Variants in NLGN1 observed in about 807,000 individuals in gnomAD.
NLGN1 encodes neuroligin 1.
Under a neutral mutation model 65.5 loss-of-function variants are expected in NLGN1, and 12 were observed. The ratio of observed to expected loss-of-function variants is 0.18; its 90% confidence interval spans 0.12 to 0.30. The LOEUF is 0.30. NLGN1 is among the 10% of genes least tolerant of loss of function. The pLI is 1.00. For synonymous variants in NLGN1, 350 were observed against 359.5 expected, an observed-to-expected ratio of 0.97 and a Z score of 0.30; for missense variants, 750 against 1,007.1, an observed-to-expected ratio of 0.74 and a Z score of 3.46.
At chr3:173,753,821 C>T (rs941079457) in intron 3 of NLGN1, among the ~76,000 whole-genome samples, 2 of 151,660 alleles carry the variant, frequency 1.3e-5, no homozygotes, top group Non-Finnish European at 2.9e-5. Context: ...TCTTCTTCAG[C>T]CACATTAGTC....
chr3:173,705,954 A>G (rs1767984779), intron 3 of NLGN1, among the ~76,000 whole-genome samples: 1 of 152,182 alleles, frequency 6.6e-6, no homozygotes, highest in Admixed American at 6.5e-5. Flanking sequence ...GTATTTGAAT[A>G]ATTTTCCCCT....
intron 4 of NLGN1, among the ~76,000 whole-genome samples, chr3:173,862,505 CAAAAAAAAAAAAAAAA>C (rs10601211): frequency 2.4e-5 from 1 of 41,708 alleles, no homozygotes; most frequent in Non-Finnish European, 4.9e-5. Flanking sequence ...GACTCCGTCT[CAAAAAAAAAAAAAAAA>C]AAAAAAAAAG....
At chr3:173,464,411 C>T (rs1288078381) in intron 2 of NLGN1, among the ~76,000 whole-genome samples, 1 of 151,302 alleles carries the variant, frequency 6.6e-6, no homozygotes, top group Non-Finnish European at 1.5e-5. Flanking sequence ...ATTCATCAAA[C>T]CACCTCCCAT....
chr3:174,266,295 G>A lies in NLGN1; in HGVS notation c.647-9020G>A, dbSNP rs112329181. On this transcript the variant is annotated intron_variant, in intron 4 of 6. Coordinates refer to ENST00000457714, the Ensembl canonical transcript of NLGN1. ...CAATATTTAACCTCCACTTACAGGT[G>A]AGAAGATGCAGTATTCTGTTTTCTG... Among the ~76,000 whole-genome samples, 711 of 152,224 alleles carry A rather than the reference G, an allele frequency of 4.7e-3. 3 individuals are homozygous for A. The highest frequency in any genetic ancestry group is 0.015 in the African/African-American group (638 of 41,518).
intron 4 of NLGN1, among the ~76,000 whole-genome samples, chr3:174,150,256 AT>A (rs1724079511): frequency 6.6e-6 from 1 of 152,140 alleles, no homozygotes; most frequent in African/African-American, 2.4e-5. Context: ...CCTACAAAAA[AT>A]AATTCTGCAT....
chr3:174,015,314 G>A (rs1413716813), intron 4 of NLGN1, among the ~76,000 whole-genome samples: 1 of 152,102 alleles, frequency 6.6e-6, no homozygotes, highest in African/African-American at 2.4e-5. Context: ...CACAGTTCTG[G>A]ATACTTGAAC....
At chr3:173,450,042 G>A (rs964087951) in intron 2 of NLGN1, among the ~76,000 whole-genome samples, 27 of 152,120 alleles carry the variant, frequency 1.8e-4, no homozygotes, top group Admixed American at 1.7e-3. Context: ...CCTTTTAATT[G>A]GAGCATTTAG....
At chr3:173,774,421 T>C (rs1353476146) in intron 3 of NLGN1, among the ~76,000 whole-genome samples, 1 of 152,200 alleles carries the variant, frequency 6.6e-6, no homozygotes, top group East Asian at 1.9e-4. Flanking sequence ...CATCCTATCT[T>C]TTCCACACAA....
At chr3:173,453,337 A>G (rs1721957151) in intron 2 of NLGN1, among the ~76,000 whole-genome samples, 1 of 150,262 alleles carries the variant, frequency 6.7e-6, no homozygotes, top group Non-Finnish European at 1.5e-5. Flanking sequence ...GGCTCAAGTG[A>G]TCTTCCTGTG....
intron 3 of NLGN1, among the ~76,000 whole-genome samples, chr3:173,698,651 T>G (rs73880545): frequency 0.031 from 4,639 of 151,518 alleles, 258 homozygotes; most frequent in African/African-American, 0.11. Flanking sequence ...TGCTACATAA[T>G]TTTTTTTCTA....
chr3:173,929,169 A>C (rs1743579575), intron 4 of NLGN1, among the ~76,000 whole-genome samples: 1 of 152,192 alleles, frequency 6.6e-6, no homozygotes, highest in African/African-American at 2.4e-5. Context: ...TACAAAACTT[A>C]CATGAAGTTC....
At chr3:173,893,664 A>G (rs1227540818) in intron 4 of NLGN1, among the ~76,000 whole-genome samples, 1 of 152,154 alleles carries the variant, frequency 6.6e-6, no homozygotes, top group African/African-American at 2.4e-5. Context: ...CTTAGGCCCT[A>G]AATAATTTTT....
chr3:174,185,829 A>T (rs1466219108), intron 4 of NLGN1, among the ~76,000 whole-genome samples: 1 of 151,968 alleles, frequency 6.6e-6, no homozygotes, highest in Admixed American at 6.6e-5. Context: ...AAAACAAAAA[A>T]CCTGTTGAAA....
At chr3:173,801,109 C>A (rs1254084647) in intron 3 of NLGN1, among the ~76,000 whole-genome samples, 1 of 151,938 alleles carries the variant, frequency 6.6e-6, no homozygotes, top group Non-Finnish European at 1.5e-5. Flanking sequence ...TTCTGATTTT[C>A]AAACATTGCA....
At chr3:173,538,663 G>T (rs1036913709) in intron 2 of NLGN1, among the ~76,000 whole-genome samples, 1 of 152,162 alleles carries the variant, frequency 6.6e-6, no homozygotes, top group African/African-American at 2.4e-5. Context: ...GCTGCTGGGA[G>T]ATTAGGCTAT....
chr3:174,097,385 C>T (rs547236764), intron 4 of NLGN1, among the ~76,000 whole-genome samples: 1 of 152,238 alleles, frequency 6.6e-6, no homozygotes, highest in African/African-American at 2.4e-5. Flanking sequence ...GAAAACTTGG[C>T]AGTTGTTCAA....
chr3:174,186,071 T>G (rs1016114952), intron 4 of NLGN1, among the ~76,000 whole-genome samples: 1 of 152,038 alleles, frequency 6.6e-6, no homozygotes, highest in East Asian at 1.9e-4. Context: ...ATAAACTATT[T>G]TAATAAAACT....
At chr3:173,616,397 T>C (rs1753082994) in intron 3 of NLGN1, among the ~76,000 whole-genome samples, 1 of 152,112 alleles carries the variant, frequency 6.6e-6, no homozygotes, top group Non-Finnish European at 1.5e-5. Context: ...GAAAAACTTG[T>C]TTGTGAAAAA....
At chr3:173,999,758 A>C (rs1579673211) in intron 4 of NLGN1, among the ~76,000 whole-genome samples, 1 of 152,270 alleles carries the variant, frequency 6.6e-6, no homozygotes, top group East Asian at 1.9e-4. Context: ...TATTTTATTC[A>C]CAAAAGTAGC....
Sources: allele counts gnomAD v4.1 joint callset (sites outside exome capture counted in the v4.1 genomes callset), GRCh38; gene constraint gnomAD v4.1.1; transcripts MANE v1.5; gene names NCBI Gene and HGNC (gene_info 2026-07-23, HGNC 2026-07-21).